Variants in HRH1 observed in about 807,000 individuals in gnomAD.
The protein encoded by HRH1 is histamine H1 receptor.
A neutral mutation model predicts 10.3 loss-of-function variants in HRH1; 6 were observed. The ratio of observed to expected loss-of-function variants is 0.58; its 90% CI spans 0.32 to 1.15. The LOEUF (loss-of-function observed/expected upper bound fraction) is 1.15, where lower values mean the gene tolerates loss of function less well. Among genes scored for constraint, HRH1 ranks in the 50% most tolerant of loss-of-function variants. HRH1 has a pLI of 0.05. For synonymous variants in HRH1, 242 were observed against 236.7 expected (o/e 1.02, Z -0.21); for missense variants, 514 against 615.3 (o/e 0.84, Z 1.74).
intron 1 of HRH1, among the ~76,000 whole-genome samples, chr3:11,138,004 C>A (rs568490673): frequency 1.3e-5 from 2 of 151,906 alleles, no homozygotes; most frequent in Non-Finnish European, 2.9e-5. Context: ...GGTGTACTAT[C>A]CAGAATACAC....
rs554680667 is a variant in HRH1, at chr3:11,244,790, C to A, written c.-35-14213C>A. 2.0e-5 allele frequency among the ~76,000 whole-genome samples: 3 copies of A among 152,264 alleles called. No homozygotes were observed. The South Asian group carries it at 6.2e-4, about 32-fold the overall frequency. ...TTTTTTAGAAAGTTCTGCCTTACTT[C>A]GAGCTGAAAGCTGCACTCTTGGGTG... On this transcript the variant is annotated intron_variant, in intron 1 of 1. Transcript: ENST00000431010.
At chr3:11,162,747 A>G (rs1439397501) in intron 1 of HRH1, among the ~76,000 whole-genome samples, 1 of 152,140 alleles carries the variant, frequency 6.6e-6, no homozygotes, top group East Asian at 1.9e-4. Context: ...TGTGGAGTCC[A>G]TGCTTAGGAC....
At chr3:11,223,477 C>A (rs536998633) in intron 1 of HRH1, among the ~76,000 whole-genome samples, 1 of 145,472 alleles carries the variant, frequency 6.9e-6, no homozygotes, top group South Asian at 2.3e-4. Context: ...CCAGCCTGGG[C>A]GACAGAGCGA....
At chr3:11,169,987 ACCCTTGTTAGG>A (rs1937121311) in intron 1 of HRH1, among the ~76,000 whole-genome samples, 1 of 152,030 alleles carries the variant, frequency 6.6e-6, no homozygotes, top group South Asian at 2.1e-4. Flanking sequence ...ACAGTGTGCG[ACCCTTGTTAGG>A]CCCACCTCCC....
chr3:11,149,802 G>C (rs922097652), upstream of HRH1, among the ~76,000 whole-genome samples: 11 of 152,226 alleles, frequency 7.2e-5, no homozygotes, highest in Non-Finnish European at 1.2e-4. Flanking sequence ...AAAGCTCAAA[G>C]ACTGTATCCA....
chr3:11,175,350 A>G (rs6769866), intron 1 of HRH1, among the ~76,000 whole-genome samples: 23,070 of 151,934 alleles, frequency 0.15, 3,320 homozygotes, highest in African/African-American at 0.38. Context: ...GGTCTTTCTG[A>G]CTCCCAAACT....
intron 1 of HRH1, among the ~76,000 whole-genome samples, chr3:11,155,737 G>A (rs1936773398): frequency 6.6e-6 from 1 of 152,146 alleles, no homozygotes; most frequent in South Asian, 2.1e-4. Flanking sequence ...GAGCACAGAC[G>A]GAGTGTGTCC....
chr3:11,182,162 T>A (rs1470858841), intron 1 of HRH1, among the ~76,000 whole-genome samples: 1 of 151,714 alleles, frequency 6.6e-6, no homozygotes, highest in Non-Finnish European at 1.5e-5. Context: ...TTTGTATTTT[T>A]AGTAGAGACA....
intron 1 of HRH1, among the ~76,000 whole-genome samples, chr3:11,180,625 G>A (rs183006798): frequency 6.6e-6 from 1 of 152,126 alleles, no homozygotes; most frequent in Non-Finnish European, 1.5e-5. Context: ...CTCACCTCCA[G>A]CCCCTGGCAA....
chr3:11,216,700 G>A (rs1938510691), intron 1 of HRH1, among the ~76,000 whole-genome samples: 1 of 152,080 alleles, frequency 6.6e-6, no homozygotes, highest in East Asian at 1.9e-4. Flanking sequence ...GTAACATACT[G>A]AAATCCCGTC....
intron 1 of HRH1, among the ~76,000 whole-genome samples, chr3:11,138,127 T>C (rs1479772597): frequency 6.6e-6 from 1 of 151,554 alleles, no homozygotes; most frequent in African/African-American, 2.4e-5. Context: ...ACCATTCTCC[T>C]GCCTCAGTCT....
upstream of HRH1, among the ~76,000 whole-genome samples, chr3:11,154,002 T>C (rs530626513): frequency 3.3e-5 from 5 of 152,294 alleles, no homozygotes; most frequent in East Asian, 3.9e-4. This position sits in a 1 kb window ranked among gnomAD's most constrained non-coding sequence, Gnocchi z 4.4. Context: ...CTAGCAGGAA[T>C]GAGGGGCGCA....
chr3:11,144,885 A>C (rs189235821), intron 1 of HRH1, among the ~76,000 whole-genome samples: 84 of 152,162 alleles, frequency 5.5e-4, no homozygotes, highest in Non-Finnish European at 1.1e-3. Flanking sequence ...AATATATAAT[A>C]AATAAATAAA....
At chr3:11,222,005 A>G (rs999690115) in intron 1 of HRH1, among the ~76,000 whole-genome samples, 5 of 152,234 alleles carry the variant, frequency 3.3e-5, no homozygotes, top group African/African-American at 1.2e-4. Flanking sequence ...GCTGATGGAC[A>G]TGTGGGTTGC....
In HRH1 at chr3:11,154,835, G is replaced by T. The variant is rs1008928288; in HGVS notation, c.-36+281G>T. Among the ~76,000 whole-genome samples, 2 of 152,154 alleles carry T rather than the reference G, an allele frequency of 1.3e-5. No homozygotes were observed. The highest frequency in any genetic ancestry group is 1.3e-4 in the Admixed American group (2 of 15,288). Reference sequence around the variant, plus strand: ...GCTTCCCCGGGCTTGGGCAGGGTGCGCGCCCTGAGCGTCCGTCTTTGAGCT... The same window carrying T: ...GCTTCCCCGGGCTTGGGCAGGGTGCTCGCCCTGAGCGTCCGTCTTTGAGCT... On this transcript the variant is annotated intron_variant, in intron 1 of 1. Transcript: ENST00000431010. This position sits in a 1 kb window ranked among gnomAD's most constrained non-coding sequence, Gnocchi z 4.4.
intron 1 of HRH1, among the ~76,000 whole-genome samples, chr3:11,217,897 C>T (rs960430007): frequency 6.6e-6 from 1 of 152,126 alleles, no homozygotes; most frequent in Non-Finnish European, 1.5e-5. Context: ...TGAGCCTGAG[C>T]CAGTCTCTGG....
chr3:11,253,735 G>C (rs1160829485), intron 1 of HRH1, among the ~76,000 whole-genome samples: 2 of 152,158 alleles, frequency 1.3e-5, no homozygotes, highest in African/African-American at 2.4e-5. Flanking sequence ...GGAACGTTCT[G>C]ACCGGGAGGA....
At chr3:11,254,269 T>G (rs1939728882) in intron 1 of HRH1, among the ~76,000 whole-genome samples, 1 of 152,226 alleles carries the variant, frequency 6.6e-6, no homozygotes, top group African/African-American at 2.4e-5. Context: ...TCTTCAGCTT[T>G]TGCTTTATCC....
Position 11,259,646 on chromosome 3 carries a change from C to G in HRH1, c.609C>G (p.Thr203=). The change falls in exon 2 of 2, where the codon ACC becomes ACG. Residue 203 remains threonine (T), a synonymous_variant. Transcript: ENST00000431010. The surrounding 1 kb of genome is among the most constrained non-coding windows in gnomAD (Gnocchi z 4.6). ...MTAIINFYLP[T]LLMLWFYAKI... The stretch of plus-strand genomic sequence containing the variant: ...CCATCATCAACTTCTACCTGCCCAC[C>G]TTGCTCATGCTCTGGTTCTATGCCA... 2 of 1,614,108 alleles carry G rather than the reference C, an allele frequency of 1.2e-6. No homozygotes were observed. Among genetic ancestry groups the G allele is most frequent in the Non-Finnish European group, 1.7e-6 (2 of 1,180,030 alleles).
Sources: gnomAD v4.1 joint callset for allele counts (sites outside exome capture counted in the v4.1 genomes callset) on GRCh38, gnomAD v4.1.1 for gene constraint, Gnocchi (gnomAD v3.1) non-coding constraint, MANE v1.5 for transcripts, NCBI Gene and HGNC (gene_info 2026-07-23, HGNC 2026-07-21) for gene names.